ATP6V1E2: variants seen among roughly 807,000 people sequenced by gnomAD.
ATP6V1E2 encodes the protein V-type proton ATPase subunit E 2.
For missense variants in ATP6V1E2, 308 were observed against 273.3 expected, an observed-to-expected ratio of 1.13 and a Z score of -0.90; for synonymous variants, 121 against 104.2, an observed-to-expected ratio of 1.16 and a Z score of -0.98.
At chr2:46,536,806 C>G (rs542190085) in intron 2 of ATP6V1E2, 103 bp from the exon 3 acceptor site, 19 of 149,770 alleles carry the variant, frequency 1.3e-4, no homozygotes, top group Admixed American at 4.6e-4. Flanking sequence ...TTTTTTGAGA[C>G]AGTGTCTTGC....
At position 46,512,753 on chromosome 2, in the gene ATP6V1E2, C is replaced by A; in HGVS notation, c.-42G>T. On this transcript the variant is annotated 5_prime_UTR_variant, in exon 5 of 5. Coordinates refer to ENST00000522587, the MANE Select transcript of ATP6V1E2 (RefSeq NM_001318063.2). ...GACGGCAGAGAGGGAGCTCGTACAC[C>A]GTTTGGCTCCTTTGACTTAGGACAA... is the stretch of plus-strand genomic sequence containing the variant. 2 of 1,537,246 alleles carry A rather than the reference C, an allele frequency of 1.3e-6. No homozygotes were observed. Among genetic ancestry groups the A allele is most frequent in the South Asian group, 1.2e-5 (1 of 80,786 alleles).
At chr2:46,520,992 T>A (rs1666595872) in intron 4 of ATP6V1E2, among the ~76,000 whole-genome samples, 1 of 152,218 alleles carries the variant, frequency 6.6e-6, no homozygotes, top group Non-Finnish European at 1.5e-5. Context: ...AAGAGAACAT[T>A]ACCAGCATCC....
chr2:46,522,709 A>G (rs909858848), intron 4 of ATP6V1E2, among the ~76,000 whole-genome samples: 1 of 152,184 alleles, frequency 6.6e-6, no homozygotes, highest in Admixed American at 6.5e-5. Flanking sequence ...ATACATGTGC[A>G]TGTGTCTTTA....
At chr2:46,517,838 G>C (rs191693120) in intron 4 of ATP6V1E2, among the ~76,000 whole-genome samples, 1 of 152,242 alleles carries the variant, frequency 6.6e-6, no homozygotes, top group East Asian at 1.9e-4. Context: ...AAAAAAAGAA[G>C]AAAGAAAAAG....
intron 4 of ATP6V1E2, among the ~76,000 whole-genome samples, chr2:46,522,324 T>C (rs1666679258): frequency 6.6e-6 from 1 of 151,136 alleles, no homozygotes; most frequent in African/African-American, 2.4e-5. Flanking sequence ...TGCAGGTTTG[T>C]TACACAGGTA....
In ATP6V1E2 at chr2:46,525,207, G is replaced by C. The variant is rs192380795; in HGVS notation, c.-102+10606C>G. ...CAGGGACAGGCGGCCGGGCGCGGTG[G>C]CTCACGCCTGTAATCCCAGTACTTT... On this transcript the variant is annotated intron_variant, in intron 4 of 4. Transcript: ENST00000522587. Among the ~76,000 whole-genome samples, 33 of 152,026 alleles carry C rather than the reference G, an allele frequency of 2.2e-4. No individual in the cohort carries two copies. The East Asian group carries it at 6.2e-3, about 29-fold the overall frequency.
At chr2:46,513,753 A>C (rs1263000324) in intron 4 of ATP6V1E2, among the ~76,000 whole-genome samples, 1 of 152,076 alleles carries the variant, frequency 6.6e-6, no homozygotes, top group Non-Finnish European at 1.5e-5. Context: ...TGAACCCAGG[A>C]GGCAGAGGTT....
chr2:46,533,077 ATATATATATCTAACAT>A (rs1328913345), intron 4 of ATP6V1E2, among the ~76,000 whole-genome samples: 5 of 148,830 alleles, frequency 3.4e-5, no homozygotes, highest in African/African-American at 9.8e-5. Context: ...TTTTAATTAT[ATATATATATCTAACAT>A]TATATATCTA....
At chr2:46,533,597 A>G (rs1214005330) in intron 4 of ATP6V1E2, among the ~76,000 whole-genome samples, 8 of 152,160 alleles carry the variant, frequency 5.3e-5, no homozygotes, top group Non-Finnish European at 1.5e-5. Context: ...TTTTAAAGGA[A>G]TTTTGTAACA....
intron 2 of ATP6V1E2, among the ~76,000 whole-genome samples, chr2:46,538,918 G>C (rs1667581452): frequency 6.6e-6 from 1 of 152,104 alleles, no homozygotes; most frequent in Non-Finnish European, 1.5e-5. Flanking sequence ...ATAGTGAGCT[G>C]AGACTGCACC....
Position 46,512,059 on chromosome 2 carries a change from G to A in ATP6V1E2, c.653C>T (p.Ala218Val). The part of the protein sequence containing the change: ...MPEIRMALFG[A>V]NTNRKFFI The stretch of plus-strand genomic sequence containing the variant: ...TATAAAGAACTTTCTGTTGGTGTTA[G>A]CACCAAACAAGGCCATTCGTATTTC... Residue 218 changes from alanine (A) to valine (V), a missense_variant, in exon 5 of 5, where the codon GCT (alanine) becomes GTT (valine). Physicochemically the swap from Ala to Val is moderately conservative, Grantham distance 64 (BLOSUM62 0). Transcript: ENST00000522587. 6.2e-7 allele frequency: 1 copy of A among 1,609,084 alleles called. No individual in the cohort carries two copies. The highest frequency in any genetic ancestry group is 8.5e-7 in the Non-Finnish European group (1 of 1,177,676).
chr2:46,518,525 A>ACAC (rs1553412653), intron 4 of ATP6V1E2, among the ~76,000 whole-genome samples: 2 of 144,400 alleles, frequency 1.4e-5, no homozygotes, highest in Admixed American at 6.8e-5. Context: ...ACACACACAC[A>ACAC]AATGCTATCC....
chr2:46,525,590 A>C (rs1007924156), intron 4 of ATP6V1E2, among the ~76,000 whole-genome samples: 1 of 152,052 alleles, frequency 6.6e-6, no homozygotes, highest in Non-Finnish European at 1.5e-5. Context: ...AGACACCTGG[A>C]GAGAAAATCA....
intron 4 of ATP6V1E2, among the ~76,000 whole-genome samples, chr2:46,521,141 G>A (rs890880599): frequency 6.6e-6 from 1 of 152,072 alleles, no homozygotes; most frequent in Non-Finnish European, 1.5e-5. Flanking sequence ...CAAATTCTTG[G>A]GCTCAAGCAA....
chr2:46,526,699 A>T (rs1666938299), intron 4 of ATP6V1E2, among the ~76,000 whole-genome samples: 1 of 152,202 alleles, frequency 6.6e-6, no homozygotes, highest in Non-Finnish European at 1.5e-5. Context: ...CCCATGTTGT[A>T]GCACAGGTCA....
intron 4 of ATP6V1E2, chr2:46,534,157 C>G (rs1449646980): frequency 6.6e-6 from 1 of 152,162 alleles, no homozygotes. Flanking sequence ...AAATCATCAC[C>G]GTTAATCCTT....
Position 46,521,941 on chromosome 2 carries a change from C to G in ATP6V1E2, c.-101-9129G>C, listed in dbSNP as rs572310364. 2.8e-3 allele frequency among the ~76,000 whole-genome samples: 305 copies of G among 108,548 alleles called. 1 individual carries two copies. Among genetic ancestry groups the G allele is most frequent in the Non-Finnish European group, 4.6e-3 (233 of 50,868 alleles). 71.2% of individuals were successfully genotyped at this position (108,548 alleles called of 152,430 possible). On this transcript the variant is annotated intron_variant, in intron 4 of 4. Coordinates refer to ENST00000522587, the MANE Select transcript of ATP6V1E2 (RefSeq NM_001318063.2). ...TCCTGACCTCGTGATCCACCCGCCT[C>G]AGCCTCCCAAAGTGCTGGGATTACA...
chr2:46,533,106 ATTATATTATATATCTAATG>A (rs1667261918), intron 4 of ATP6V1E2, among the ~76,000 whole-genome samples: 1 of 118,316 alleles, frequency 8.5e-6, no homozygotes, highest in Admixed American at 9.1e-5. Context: ...TATATCTAAC[ATTATATTATATATCTAATG>A]TTATATTATA....
chr2:46,520,337 A>C (rs549203596), intron 4 of ATP6V1E2, among the ~76,000 whole-genome samples: 1 of 152,336 alleles, frequency 6.6e-6, no homozygotes, highest in South Asian at 2.1e-4. Flanking sequence ...CAAAACAACA[A>C]AACAAACCAA....
Sources: allele counts gnomAD v4.1 joint callset (sites outside exome capture counted in the v4.1 genomes callset), GRCh38; gene constraint gnomAD v4.1.1; transcripts MANE v1.5; gene names NCBI Gene and HGNC (gene_info 2026-07-23, HGNC 2026-07-21).